Variants in ATRNL1 observed in about 807,000 individuals in gnomAD.
The protein encoded by ATRNL1 is attractin-like protein 1.
In ATRNL1, 95 loss-of-function variants were observed where a neutral mutation model predicts 182.7. That is an observed-to-expected ratio of 0.52 (90% confidence interval 0.44 to 0.62). ATRNL1 has a LOEUF of 0.62. Among genes scored for constraint, ATRNL1 ranks in the 20% least tolerant of loss-of-function variants. ATRNL1 has a pLI of 0.00. For synonymous variants in ATRNL1, 576 were observed against 568.3 expected (o/e 1.01, Z -0.19); for missense variants, 1,471 against 1,679.5 (o/e 0.88, Z 2.17).
At chr10:115,680,207 A>G (rs1166097217) in intron 26 of ATRNL1, among the ~76,000 whole-genome samples, 2 of 152,104 alleles carry the variant, frequency 1.3e-5, no homozygotes, top group Non-Finnish European at 2.9e-5. Context: ...ACCCTGAAAT[A>G]TCAATGGCTT....
intron 24 of ATRNL1, among the ~76,000 whole-genome samples, chr10:115,488,380 T>C (rs1297934411): frequency 1.3e-5 from 2 of 152,214 alleles, no homozygotes; most frequent in Non-Finnish European, 2.9e-5. Flanking sequence ...ACGCTATTAA[T>C]CAATGCCTCA....
intron 26 of ATRNL1, among the ~76,000 whole-genome samples, chr10:115,601,658 A>G (rs1393550455): frequency 6.6e-6 from 1 of 152,202 alleles, no homozygotes; most frequent in African/African-American, 2.4e-5. Flanking sequence ...GTTCTGGTCT[A>G]TTTTTATGAT....
chr10:115,908,277 T>C (rs183570880), intron 28 of ATRNL1, among the ~76,000 whole-genome samples: 64 of 152,318 alleles, frequency 4.2e-4, no homozygotes, highest in East Asian at 4.0e-3. Flanking sequence ...TACCTTACAG[T>C]TCTGGAGGTC....
At chr10:115,276,173 C>T (rs573747898) in intron 13 of ATRNL1, among the ~76,000 whole-genome samples, 6 of 152,138 alleles carry the variant, frequency 3.9e-5, no homozygotes, top group African/African-American at 1.4e-4. Flanking sequence ...AAGGGGAGCT[C>T]TTGTGTCTTC....
intron 27 of ATRNL1, among the ~76,000 whole-genome samples, chr10:115,796,072 C>A (rs534977147): frequency 6.6e-5 from 10 of 152,076 alleles, no homozygotes; most frequent in Middle Eastern, 3.4e-3. Flanking sequence ...CCTGAATGCA[C>A]ACACATCTCA....
At chr10:115,633,417 A>T (rs549745751) in intron 26 of ATRNL1, among the ~76,000 whole-genome samples, 3 of 152,214 alleles carry the variant, frequency 2.0e-5, no homozygotes, top group African/African-American at 7.2e-5. Context: ...TGTGTGTTTG[A>T]ATTTGGTCTA....
At chr10:115,342,298 T>C (rs1208583910) in intron 19 of ATRNL1, among the ~76,000 whole-genome samples, 2 of 152,026 alleles carry the variant, frequency 1.3e-5, no homozygotes, top group Non-Finnish European at 2.9e-5. Flanking sequence ...TGAAGGCCTT[T>C]TTTTTCCTGG....
chr10:115,537,707 G>A (rs1852116749), intron 25 of ATRNL1, among the ~76,000 whole-genome samples: 1 of 151,898 alleles, frequency 6.6e-6, no homozygotes, highest in African/African-American at 2.4e-5. Context: ...CTTATTGTTT[G>A]TTTTTTACTT....
chr10:115,873,961 T>C (rs1168913746), intron 28 of ATRNL1, among the ~76,000 whole-genome samples: 1 of 152,114 alleles, frequency 6.6e-6, no homozygotes, highest in Non-Finnish European at 1.5e-5. Context: ...AATGACAAGG[T>C]TCTGGAAATG....
chr10:115,807,762 A>G (rs1949954860), intron 27 of ATRNL1, among the ~76,000 whole-genome samples: 1 of 152,218 alleles, frequency 6.6e-6, no homozygotes, highest in Non-Finnish European at 1.5e-5. Flanking sequence ...TTATCTAGTT[A>G]ATAGCGTTAA....
At chr10:115,582,640 T>C (rs1192619724) in intron 26 of ATRNL1, among the ~76,000 whole-genome samples, 1 of 144,572 alleles carries the variant, frequency 6.9e-6, no homozygotes, top group Non-Finnish European at 1.5e-5. Context: ...AGATTCTGGA[T>C]ATTAGCCCTT....
At chr10:115,620,134 C>G (rs1272523333) in intron 26 of ATRNL1, among the ~76,000 whole-genome samples, 1 of 152,154 alleles carries the variant, frequency 6.6e-6, no homozygotes, top group African/African-American at 2.4e-5. Context: ...GGTAAAGCCT[C>G]AGGAGGCTTA....
intron 8 of ATRNL1, 86 bp downstream of exon 8, chr10:115,171,378 G>T: frequency 8.0e-7 from 1 of 1,249,286 alleles, no homozygotes. Flanking sequence ...TAGTCAAAAT[G>T]GTGAGTTATT....
At chr10:115,209,601 A>C (rs993978153) in intron 8 of ATRNL1, among the ~76,000 whole-genome samples, 1 of 151,562 alleles carries the variant, frequency 6.6e-6, no homozygotes, top group African/African-American at 2.4e-5. Context: ...GTCTTTTCTC[A>C]TTAATGACCT....
rs149142604 is a variant in ATRNL1 at position 115,781,300 on chromosome 10, A to G, written c.3903+53945A>G. 3.9e-3 allele frequency among the ~76,000 whole-genome samples: 591 copies of G among 152,300 alleles called. 4 individuals carry two copies. The highest frequency in any genetic ancestry group is 4.3e-3 in the Admixed American group (65 of 15,288). Reference sequence around the variant, plus strand: ...ATTTGGAAAAACAATTTGGTCCTATATTCTAAAGCTAAACATATACATACT... The same window carrying G: ...ATTTGGAAAAACAATTTGGTCCTATGTTCTAAAGCTAAACATATACATACT... On this transcript the variant is annotated intron_variant, in intron 27 of 28. Coordinates refer to ENST00000355044, the MANE Select transcript of ATRNL1 (RefSeq NM_207303.4).
At chr10:115,627,174 C>T (rs868961351) in intron 26 of ATRNL1, among the ~76,000 whole-genome samples, 1 of 152,230 alleles carries the variant, frequency 6.6e-6, no homozygotes. Flanking sequence ...ACCCTTTACC[C>T]ACTAAGCAGT....
At chr10:115,108,516 C>G (rs1844121169) in intron 1 of ATRNL1, among the ~76,000 whole-genome samples, 1 of 152,124 alleles carries the variant, frequency 6.6e-6, no homozygotes, top group Non-Finnish European at 1.5e-5. Flanking sequence ...CTGTAGGGGT[C>G]ACAGATTGGT....
At chr10:115,805,885 G>A (rs1307951417) in intron 27 of ATRNL1, among the ~76,000 whole-genome samples, 1 of 151,786 alleles carries the variant, frequency 6.6e-6, no homozygotes, top group Non-Finnish European at 1.5e-5. Flanking sequence ...TCCCCAGCAT[G>A]GTATCCACTT....
chr10:115,452,829 G>C (rs1698594598), intron 21 of ATRNL1, among the ~76,000 whole-genome samples: 1 of 151,976 alleles, frequency 6.6e-6, no homozygotes, highest in African/African-American at 2.4e-5. Context: ...TGTACCCTTT[G>C]AGTAACCCTT....
Sources: gnomAD v4.1 joint callset for allele counts (sites outside exome capture counted in the v4.1 genomes callset) on GRCh38, gnomAD v4.1.1 for gene constraint, MANE v1.5 for transcripts, NCBI Gene and HGNC (gene_info 2026-07-23, HGNC 2026-07-21) for gene names.